Variants in STAG1 observed in about 807,000 individuals in gnomAD.
The protein encoded by STAG1 is cohesin subunit SA-1.
STAG1 carries 26 observed loss-of-function variants against 170.9 expected under a neutral mutation model. The ratio of observed to expected loss-of-function variants is 0.15; its 90% confidence interval spans 0.11 to 0.21. STAG1 has a LOEUF of 0.21. Among genes scored for constraint, STAG1 ranks in the 10% least tolerant of loss-of-function variants. The pLI, the probability that STAG1 is intolerant of heterozygous loss-of-function variation, is 1.00. For synonymous variants in STAG1, 514 were observed against 497.7 expected (o/e 1.03, Z -0.44); for missense variants, 964 against 1,509.5 (o/e 0.64, Z 5.99).
chr3:136,679,458 G>A (rs1942257419), intron 1 of STAG1, among the ~76,000 whole-genome samples: 1 of 152,154 alleles, frequency 6.6e-6, no homozygotes, highest in African/African-American at 2.4e-5. Context: ...GCCGGGTGCG[G>A]TGGCTCACGC....
At chr3:136,705,092 C>G (rs1445355514) in intron 1 of STAG1, among the ~76,000 whole-genome samples, 1 of 151,206 alleles carries the variant, frequency 6.6e-6, no homozygotes, top group Non-Finnish European at 1.5e-5. Flanking sequence ...ATTAAAAAAC[C>G]TGGCCAGGCG....
chr3:136,374,490 G>A lies in STAG1; in HGVS notation c.2370+3170C>T, dbSNP rs373768192. 5.3e-5 allele frequency among the ~76,000 whole-genome samples: 8 copies of A among 152,066 alleles called. No homozygotes were observed. In the East Asian group the frequency reaches 5.8e-4, roughly 11 times the overall value. ...AAATTAGCCAGGTGTGGTGGTGCAC[G>A]CCTGTAATTCCAGCTACTAGGGAGG... is the stretch of plus-strand genomic sequence containing the variant. On this transcript the variant is annotated intron_variant, in intron 23 of 33. Coordinates refer to ENST00000383202, the MANE Select transcript of STAG1 (RefSeq NM_005862.3).
At chr3:136,643,792 A>G (rs1428147061) in intron 1 of STAG1, among the ~76,000 whole-genome samples, 2 of 152,168 alleles carry the variant, frequency 1.3e-5, no homozygotes, top group Non-Finnish European at 2.9e-5. Context: ...TATAGGTATG[A>G]GCCACTGCGC....
chr3:136,729,571 T>A (rs1444597234), intron 1 of STAG1, among the ~76,000 whole-genome samples: 1 of 12,344 alleles, frequency 8.1e-5, no homozygotes, highest in Non-Finnish European at 1.2e-4. Flanking sequence ...GTAGTTTTCC[T>A]TTTTTTTTTT....
chr3:136,457,281 C>G (rs528210604), intron 13 of STAG1, among the ~76,000 whole-genome samples: 13 of 152,104 alleles, frequency 8.5e-5, no homozygotes, highest in African/African-American at 1.2e-4. Flanking sequence ...CTGGAATGTG[C>G]GCAGACTTGT....
chr3:136,697,125 A>T lies in STAG1; in HGVS notation c.-84+55070T>A, dbSNP rs181090160. On this transcript the variant is annotated intron_variant, in intron 1 of 33. Coordinates refer to ENST00000383202, the MANE Select transcript of STAG1 (RefSeq NM_005862.3). The stretch of plus-strand genomic sequence containing the variant: ...CTTTTCATTGCAAATGAAATTTTAA[A>T]GTTTATTTCTGACTTACAATGAATA... 2.0e-5 allele frequency among the ~76,000 whole-genome samples: 3 copies of T among 152,348 alleles called. No individual in the cohort carries two copies. In the East Asian group the frequency reaches 5.8e-4, roughly 29 times the overall value.
At chr3:136,505,626 T>C (rs1290473911) in intron 7 of STAG1, among the ~76,000 whole-genome samples, 1 of 152,246 alleles carries the variant, frequency 6.6e-6, no homozygotes, top group Non-Finnish European at 1.5e-5. Flanking sequence ...CAATCCAGCA[T>C]ATACTGAGCA....
At chr3:136,588,751 T>C (rs1937980922) in intron 4 of STAG1, among the ~76,000 whole-genome samples, 1 of 151,810 alleles carries the variant, frequency 6.6e-6, no homozygotes, top group South Asian at 2.1e-4. Flanking sequence ...CCCAGCCTAT[T>C]TTCTGTTTTT....
At chr3:136,623,864 G>C (rs1480271198) in intron 2 of STAG1, among the ~76,000 whole-genome samples, 1 of 151,890 alleles carries the variant, frequency 6.6e-6, no homozygotes, top group Non-Finnish European at 1.5e-5. Context: ...TTGAGGGAGG[G>C]GAATCATTTG....
At chr3:136,554,049 T>A (rs912800193) in intron 5 of STAG1, among the ~76,000 whole-genome samples, 1 of 150,708 alleles carries the variant, frequency 6.6e-6, no homozygotes, top group Non-Finnish European at 1.5e-5. Context: ...GAAAAAAAAA[T>A]AGAACACTAG....
chr3:136,736,315 A>C (rs559546767), intron 1 of STAG1, among the ~76,000 whole-genome samples: 1 of 152,266 alleles, frequency 6.6e-6, no homozygotes, highest in South Asian at 2.1e-4. Flanking sequence ...TTTTAAACCA[A>C]GCCCCGCATT....
chr3:136,684,220 T>C (rs1365583001), intron 1 of STAG1, among the ~76,000 whole-genome samples: 2 of 152,160 alleles, frequency 1.3e-5, no homozygotes, highest in Non-Finnish European at 2.9e-5. Context: ...GTAGCCAATA[T>C]GATACTGAAG....
In STAG1 at chr3:136,508,887, CGAGAGA is replaced by C. The variant is rs111390217; in HGVS notation, c.677-6114_677-6109del. Among the ~76,000 whole-genome samples, 1,052 of 149,470 alleles carry C rather than the reference CGAGAGA, an allele frequency of 7.0e-3. 14 individuals carry two copies. Among genetic ancestry groups the C allele is most frequent in the African/African-American group, 0.024 (993 of 40,946 alleles). ...GTGTGTGTCTGTGTGCGCGCGTGCG[CGAGAGA>C]GAGAGAGAGAGAGAGACAGAGACAG... On this transcript the variant is annotated intron_variant, in intron 7 of 33. Coordinates refer to ENST00000383202, the MANE Select transcript of STAG1 (RefSeq NM_005862.3).
intron 3 of STAG1, among the ~76,000 whole-genome samples, chr3:136,610,284 C>T (rs1939206208): frequency 6.6e-6 from 1 of 152,166 alleles, no homozygotes; most frequent in Admixed American, 6.5e-5. Flanking sequence ...ATCCACCCAC[C>T]TCAGCCTTCC....
intron 18 of STAG1, 62 bp downstream of exon 18, chr3:136,422,706 C>T: frequency 6.6e-7 from 1 of 1,518,284 alleles, no homozygotes; most frequent in South Asian, 1.2e-5. Flanking sequence ...TATAAGAGTA[C>T]ATGAAAATAA....
At chr3:136,736,641 T>C in intron 1 of STAG1, 1 of 1,603,962 alleles carries the variant, frequency 6.2e-7, no homozygotes, top group Non-Finnish European at 8.5e-7. Flanking sequence ...CCACTCTCTT[T>C]CCCGTTTGGC....
chr3:136,516,508 T>C (rs983733548), intron 7 of STAG1, among the ~76,000 whole-genome samples: 1 of 151,658 alleles, frequency 6.6e-6, no homozygotes, highest in Admixed American at 6.6e-5. Context: ...AATCAGAAAA[T>C]AAACATACAT....
At chr3:136,399,113 A>T (rs2087247314) in intron 21 of STAG1, among the ~76,000 whole-genome samples, 1 of 152,220 alleles carries the variant, frequency 6.6e-6, no homozygotes, top group Non-Finnish European at 1.5e-5. Context: ...ACTTAGTCAA[A>T]TTTTTAAAAG....
chr3:136,684,154 G>A (rs912456290), intron 1 of STAG1, among the ~76,000 whole-genome samples: 1 of 152,140 alleles, frequency 6.6e-6, no homozygotes, highest in Admixed American at 6.5e-5. Context: ...CTAGCAAATT[G>A]TTTTGTGAAT....
Sources: gnomAD v4.1 joint callset for allele counts (sites outside exome capture counted in the v4.1 genomes callset) on GRCh38, gnomAD v4.1.1 for gene constraint, MANE v1.5 for transcripts, NCBI Gene and HGNC (gene_info 2026-07-23, HGNC 2026-07-21) for gene names.